Variants in FAM222B observed in about 807,000 individuals in gnomAD.
FAM222B encodes the protein protein FAM222B.
A neutral mutation model predicts 38.0 loss-of-function variants in FAM222B; 12 were observed. The ratio of observed to expected loss-of-function variants is 0.32; its 90% CI spans 0.20 to 0.51. The LOEUF (loss-of-function observed/expected upper bound fraction) is 0.51. Ranked by LOEUF, FAM222B falls within the 20% of genes least tolerant of loss-of-function variation. FAM222B has a pLI of 0.97. For missense variants in FAM222B, 716 were observed against 754.2 expected (o/e 0.95, Z 0.59); for synonymous variants, 329 against 317.2 (o/e 1.04, Z -0.40).
At chr17:28,799,426 T>A (rs1855179702) in intron 1 of FAM222B, among the ~76,000 whole-genome samples, 2 of 151,536 alleles carry the variant, frequency 1.3e-5, no homozygotes, top group East Asian at 3.9e-4. Flanking sequence ...GCTTCCCAAG[T>A]AGCTGGGACC....
intron 1 of FAM222B, chr17:28,766,954 C>T: frequency 2.5e-6 from 1 of 392,744 alleles, no homozygotes; most frequent in South Asian, 2.9e-5. Context: ...AACTGGAAAG[C>T]ACCTATTCAT....
chr17:28,766,346 C>T (rs2035325972), intron 2 of FAM222B, among the ~76,000 whole-genome samples: 2 of 151,868 alleles, frequency 1.3e-5, no homozygotes, highest in Admixed American at 6.6e-5. Context: ...CCCAGCTACT[C>T]GGGAGGCTGA....
intron 1 of FAM222B, among the ~76,000 whole-genome samples, chr17:28,785,566 G>A (rs1187751918): frequency 1.3e-5 from 2 of 152,094 alleles, no homozygotes; most frequent in Admixed American, 6.6e-5. Flanking sequence ...ACAGAGTTTC[G>A]CTCTTGTTGC....
At chr17:28,794,347 GT>G (rs2036841343) in intron 1 of FAM222B, among the ~76,000 whole-genome samples, 1 of 151,606 alleles carries the variant, frequency 6.6e-6, no homozygotes, top group Admixed American at 6.6e-5. Flanking sequence ...AGCCTCCCAA[GT>G]AGCTGGGACT....
At chr17:28,853,297 G>C (rs930996157) in intron 1 of FAM222B, among the ~76,000 whole-genome samples, 1 of 151,984 alleles carries the variant, frequency 6.6e-6, no homozygotes, top group Admixed American at 6.6e-5. Context: ...CTGGGAGGTC[G>C]AGGCTGTAGT....
chr17:28,837,646 GT>G lies in FAM222B; in HGVS notation c.-41+5035del, dbSNP rs1175762122. On this transcript the variant is annotated intron_variant, in intron 1 of 2. Coordinates refer to ENST00000581407, the MANE Select transcript of FAM222B (RefSeq NM_001077498.3). ...AAATAGATATTAAATACTTCTTTTT[GT>G]TTTTTTTTTTTTGTTTTTTGAGACG... Among the ~76,000 whole-genome samples, 1,107 of 140,050 alleles carry G rather than the reference GT, an allele frequency of 7.9e-3. 8 individuals carry two copies. Among genetic ancestry groups the G allele is most frequent in the African/African-American group, 0.026 (1,006 of 38,500 alleles). 91.9% of individuals were successfully genotyped at this position (140,050 alleles called of 152,430 possible). A position where few individuals can be genotyped will look rare whatever the true frequency, so the allele number is the denominator to read the frequency against.
intron 1 of FAM222B, among the ~76,000 whole-genome samples, chr17:28,806,233 A>C (rs1294253981): frequency 6.6e-6 from 1 of 151,676 alleles, no homozygotes; most frequent in African/African-American, 2.4e-5. Flanking sequence ...TTTTGTGTGT[A>C]TAATCAATAA....
chr17:28,767,569 G>C (rs1055700031), intron 1 of FAM222B, among the ~76,000 whole-genome samples: 2 of 152,098 alleles, frequency 1.3e-5, no homozygotes, highest in African/African-American at 2.4e-5. Flanking sequence ...CTTGACTCCT[G>C]AGTTCAAGCG....
At position 28,758,771 on chromosome 17, in the gene FAM222B, G is replaced by C. The variant is rs769966107; in HGVS notation, c.1188C>G (p.Arg396=). The C allele has an allele frequency of 6.4e-7, 1 of 1,571,700 alleles. No individual in the cohort carries two copies. The highest frequency in any genetic ancestry group is 1.9e-5 in the Admixed American group (1 of 53,924). ...PGLTGKHAAG[R]ELAGPGFVGK... is the part of the protein sequence containing the mutation. The stretch of plus-strand genomic sequence containing the variant: ...CCACAAAGCCAGGCCCTGCCAACTC[G>C]CGTCCTGCCGCATGCTTGCCTGTCA... The change falls in exon 3 of 3, where the codon CGC becomes CGG. Residue 396 remains arginine, a synonymous_variant. Coordinates refer to ENST00000581407, the MANE Select transcript of FAM222B (RefSeq NM_001077498.3).
intron 1 of FAM222B, among the ~76,000 whole-genome samples, chr17:28,773,217 T>C (rs1350250471): frequency 1.3e-5 from 2 of 152,024 alleles, no homozygotes; most frequent in Non-Finnish European, 2.9e-5. Flanking sequence ...GGCTCATGCC[T>C]GTAATCCCCA....
intron 1 of FAM222B, among the ~76,000 whole-genome samples, chr17:28,828,095 A>ATTTT (rs528492764): frequency 7.6e-4 from 57 of 74,690 alleles, no homozygotes; most frequent in African/African-American, 1.3e-3. Context: ...ATCAAATCCA[A>ATTTT]TTTTTTTTTT....
At chr17:28,797,871 G>A (rs1020326787) in intron 1 of FAM222B, among the ~76,000 whole-genome samples, 5 of 151,428 alleles carry the variant, frequency 3.3e-5, no homozygotes, top group Admixed American at 1.3e-4. Flanking sequence ...GACCAGTCTG[G>A]ACAACATAGG....
At chr17:28,818,729 T>C (rs1197450367) in intron 1 of FAM222B, among the ~76,000 whole-genome samples, 3 of 152,158 alleles carry the variant, frequency 2.0e-5, no homozygotes, top group Admixed American at 2.0e-4. Flanking sequence ...GTTTGGGTTG[T>C]ATGTTCTGGG....
rs2034697568 is a variant in FAM222B, at chr17:28,756,450, A to G, written c.*1820T>C. 1 of 152,576 alleles carries G rather than the reference A, an allele frequency of 6.6e-6. No individual in the cohort carries two copies. Among genetic ancestry groups the G allele is most frequent in the South Asian group, 2.1e-4 (1 of 4,838 alleles). 9.5% of individuals were successfully genotyped at this position (152,576 alleles called of 1,614,324 possible). A position where few individuals can be genotyped will look rare whatever the true frequency, so the allele number is the denominator to read the frequency against. ...TTCAGGGAGAGGTATTGGGGAGGAAAAAAAAATACAGCAAGAATATCTGCT... is the reference window on the plus strand; with the variant it reads ...TTCAGGGAGAGGTATTGGGGAGGAAGAAAAAATACAGCAAGAATATCTGCT... On this transcript the variant is annotated 3_prime_UTR_variant, in exon 3 of 3. Transcript: ENST00000581407.
At chr17:28,841,272 C>T (rs1330547082) in intron 1 of FAM222B, among the ~76,000 whole-genome samples, 1 of 152,060 alleles carries the variant, frequency 6.6e-6, no homozygotes, top group Non-Finnish European at 1.5e-5. Flanking sequence ...TCCTGCCTGG[C>T]GACAGAGCGA....
intron 1 of FAM222B, among the ~76,000 whole-genome samples, chr17:28,813,872 G>A (rs772948556): frequency 1.3e-5 from 2 of 151,756 alleles, no homozygotes; most frequent in Non-Finnish European, 2.9e-5. Flanking sequence ...AAACACTGTG[G>A]TATATTTTCT....
At chr17:28,769,624 C>T (rs766247174) in intron 1 of FAM222B, among the ~76,000 whole-genome samples, 1 of 152,180 alleles carries the variant, frequency 6.6e-6, no homozygotes, top group African/African-American at 2.4e-5. Flanking sequence ...GTCAGAGCAG[C>T]TTAAATATCT....
At position 28,759,407 on chromosome 17, in the gene FAM222B, C is replaced by T. The variant is rs1296283894; in HGVS notation, c.552G>A (p.Leu184=). ...GCTGCTGGAGGCTCTGAGGGTGGGA[C>T]AGTGCCTGGGGTGGCGGGATACCCT... ...HPQGIPPPQA[L]SHPQSLQQPQ... The change falls in exon 3 of 3, where the codon CTG becomes CTA. Residue 184 remains leucine, a synonymous_variant. Coordinates refer to ENST00000581407, the MANE Select transcript of FAM222B (RefSeq NM_001077498.3). This position sits in a 1 kb window ranked among gnomAD's most constrained non-coding sequence, Gnocchi z 4.8. 3.1e-6 allele frequency: 5 copies of T among 1,597,592 alleles called. No individual in the cohort carries two copies. The highest frequency in any genetic ancestry group is 4.3e-6 in the Non-Finnish European group (5 of 1,173,710).
intron 1 of FAM222B, among the ~76,000 whole-genome samples, chr17:28,813,549 C>T (rs568892773): frequency 4.7e-4 from 71 of 150,782 alleles, no homozygotes; most frequent in African/African-American, 1.7e-3. Flanking sequence ...TTTTTGGAGA[C>T]GGAGTCTCGC....
Sources: gnomAD v4.1 joint callset for allele counts (sites outside exome capture counted in the v4.1 genomes callset) on GRCh38, gnomAD v4.1.1 for gene constraint, Gnocchi (gnomAD v3.1) non-coding constraint, MANE v1.5 for transcripts, NCBI Gene and HGNC (gene_info 2026-07-23, HGNC 2026-07-21) for gene names.